The following NFIL3 variants were observed in gnomAD, a reference collection of about 807,000 sequenced individuals.
The protein encoded by NFIL3 is nuclear factor, interleukin 3 regulated, also known as nuclear factor interleukin-3-regulated protein.
A neutral mutation model predicts 10.0 loss-of-function variants in NFIL3; 5 were observed. The observed-to-expected ratio is 0.50, with a 90% CI of 0.26 to 1.06. The LOEUF is 1.06. Among genes scored for constraint, NFIL3 ranks in the 50% least tolerant of loss-of-function variants. The probability of loss-of-function intolerance (pLI) is 0.13; values close to 1 mark genes in which losing one functional copy is unlikely to be tolerated. For missense variants in NFIL3, 436 were observed against 547.6 expected (o/e 0.80, Z 2.03); for synonymous variants, 202 against 206.5 (o/e 0.98, Z 0.19).
upstream of NFIL3, among the ~76,000 whole-genome samples, chr9:91,425,106 G>A (rs1047478137): frequency 1.2e-4 from 19 of 152,190 alleles, no homozygotes; most frequent in Non-Finnish European, 1.6e-4. Context: ...CAGGTGGGCA[G>A]GACCTCCACC....
chr9:91,448,111 T>A, the NFIL3 span, among the ~76,000 whole-genome samples: 1 of 152,188 alleles, frequency 6.6e-6, no homozygotes, highest in African/African-American at 2.4e-5. Context: ...TGCACCCTTG[T>A]CAAATGTCTT....
chr9:91,417,072 A>C (rs1833670964), intron 1 of NFIL3, among the ~76,000 whole-genome samples: 1 of 152,206 alleles, frequency 6.6e-6, no homozygotes, highest in Admixed American at 6.5e-5. Flanking sequence ...TAAACATTAA[A>C]ATCTACTCTG....
the NFIL3 span, among the ~76,000 whole-genome samples, chr9:91,449,558 C>A: frequency 5.3e-5 from 8 of 152,170 alleles, no homozygotes; most frequent in East Asian, 1.5e-3. Context: ...ATAAATCCCA[C>A]TTGGTTGTGG....
chr9:91,422,673 A>G (rs1461063990), intron 1 of NFIL3, among the ~76,000 whole-genome samples: 1 of 152,216 alleles, frequency 6.6e-6, no homozygotes, highest in African/African-American at 2.4e-5. Flanking sequence ...TAAGGTGAGA[A>G]AAAGGGCTGA....
At chr9:91,418,154 T>C (rs1409090855) in intron 1 of NFIL3, among the ~76,000 whole-genome samples, 1 of 152,168 alleles carries the variant, frequency 6.6e-6, no homozygotes, top group African/African-American at 2.4e-5. Flanking sequence ...ACATACACGC[T>C]AGCACGACCA....
chr9:91,439,400 GT>G, the NFIL3 span, among the ~76,000 whole-genome samples: 4 of 151,136 alleles, frequency 2.6e-5, no homozygotes, highest in Non-Finnish European at 5.9e-5. Context: ...AGTTCTAACT[GT>G]TTTTTTTCCC....
the NFIL3 span, among the ~76,000 whole-genome samples, chr9:91,443,918 CT>C: frequency 6.6e-6 from 1 of 152,182 alleles, no homozygotes; most frequent in Non-Finnish European, 1.5e-5. Flanking sequence ...GAGAGGACCT[CT>C]TTGGTTCTGT....
At chr9:91,458,338 G>A in the NFIL3 span, among the ~76,000 whole-genome samples, 1 of 152,014 alleles carries the variant, frequency 6.6e-6, no homozygotes, top group Non-Finnish European at 1.5e-5. Context: ...GGCTATTTAG[G>A]TTATTTATCT....
the NFIL3 span, among the ~76,000 whole-genome samples, chr9:91,439,556 G>T: frequency 4.6e-5 from 7 of 152,266 alleles, 1 homozygote; most frequent in South Asian, 2.1e-4. Flanking sequence ...ATGCTGACTA[G>T]AAGTGGAGAG....
At chr9:91,464,020 A>G in the NFIL3 span, among the ~76,000 whole-genome samples, 1 of 152,032 alleles carries the variant, frequency 6.6e-6, no homozygotes, top group Non-Finnish European at 1.5e-5. Flanking sequence ...CTTTACTTTT[A>G]ACATATTTGC....
chr9:91,440,741 T>A, the NFIL3 span, among the ~76,000 whole-genome samples: 1 of 151,498 alleles, frequency 6.6e-6, no homozygotes, highest in African/African-American at 2.4e-5. Context: ...ACAGTTTCCC[T>A]TTTAATTTCT....
chr9:91,460,533 TC>T, the NFIL3 span, among the ~76,000 whole-genome samples: 29 of 152,026 alleles, frequency 1.9e-4, no homozygotes, highest in African/African-American at 7.0e-4. Context: ...CACCTCAGCC[TC>T]CCAAAGTGCT....
At chr9:91,446,715 G>A in the NFIL3 span, among the ~76,000 whole-genome samples, 3 of 152,034 alleles carry the variant, frequency 2.0e-5, no homozygotes, top group Non-Finnish European at 4.4e-5. Flanking sequence ...TACAATATAC[G>A]TGCTCTTGTG....
At chr9:91,424,336 G>C (rs1479975466), upstream of NFIL3, among the ~76,000 whole-genome samples, 1 of 152,226 alleles carries the variant, frequency 6.6e-6, no homozygotes, top group African/African-American at 2.4e-5. Flanking sequence ...GAGCACTGCG[G>C]GTTGCGGCTA....
At chr9:91,463,566 A>G in the NFIL3 span, among the ~76,000 whole-genome samples, 1 of 152,134 alleles carries the variant, frequency 6.6e-6, no homozygotes, top group Non-Finnish European at 1.5e-5. Context: ...ATTGCAGTCT[A>G]AGAATGGCCC....
At chr9:91,475,164 C>T in the NFIL3 span, among the ~76,000 whole-genome samples, 1 of 152,336 alleles carries the variant, frequency 6.6e-6, no homozygotes, top group Admixed American at 6.5e-5. Flanking sequence ...TTTCTACCCA[C>T]TCATTACTTT....
the NFIL3 span, among the ~76,000 whole-genome samples, chr9:91,460,103 C>A: frequency 6.6e-6 from 1 of 151,836 alleles, no homozygotes; most frequent in African/African-American, 2.4e-5. Flanking sequence ...CCAGCCACCC[C>A]CACCATCCAC....
the NFIL3 span, among the ~76,000 whole-genome samples, chr9:91,444,393 A>C: frequency 6.6e-6 from 1 of 151,934 alleles, no homozygotes. Context: ...TTTCCTTTAA[A>C]TCATTATTTT....
At chr9:91,456,211 C>T in the NFIL3 span, among the ~76,000 whole-genome samples, 9 of 152,116 alleles carry the variant, frequency 5.9e-5, no homozygotes, top group Non-Finnish European at 1.0e-4. Flanking sequence ...ACAAATTGTT[C>T]CAGCACTTTC....
Sources: allele counts gnomAD v4.1 joint callset (sites outside exome capture counted in the v4.1 genomes callset), GRCh38; gene constraint gnomAD v4.1.1; transcripts MANE v1.5; gene names NCBI Gene and HGNC (gene_info 2026-07-23, HGNC 2026-07-21).